CS: variants seen among roughly 807,000 people sequenced by gnomAD.
The protein encoded by CS is citrate synthase.
A neutral mutation model predicts 61.4 loss-of-function variants in CS; 13 were observed. The observed-to-expected ratio is 0.21, with a 90% CI of 0.14 to 0.34. The LOEUF (loss-of-function observed/expected upper bound fraction) is 0.34. Among genes scored for constraint, CS ranks in the 10% least tolerant of loss-of-function variants. The pLI, the probability that CS is intolerant of heterozygous loss-of-function variation, is 1.00. For synonymous variants in CS, 159 were observed against 215.2 expected (o/e 0.74, Z 2.29); for missense variants, 278 against 573.4 (o/e 0.48, Z 5.26).
At chr12:56,291,278 G>A in intron 1 of CS, 2 of 1,088,638 alleles carry the variant, frequency 1.8e-6, no homozygotes, top group Non-Finnish European at 2.3e-6. Flanking sequence ...TCAAGCCTGA[G>A]GCAGAGGTGA....
rs184924013 is a variant in CS, at chr12:56,281,981, C to T, written c.588+439G>A. On this transcript the variant is annotated intron_variant, in intron 6 of 10. Coordinates refer to ENST00000351328, the MANE Select transcript of CS (RefSeq NM_004077.3). The stretch of plus-strand genomic sequence containing the variant: ...TCAAGTGATTCTTCTGCCTCAGCCT[C>T]CTGAGTAGGTGGGATTACAGGCGCC... Among the ~76,000 whole-genome samples the T allele has an allele frequency of 2.6e-5, 4 of 152,304 alleles. No homozygotes were observed. In the East Asian group the frequency reaches 7.7e-4, roughly 29 times the overall value.
chr12:56,287,406 T>C (rs1872971352), intron 1 of CS, among the ~76,000 whole-genome samples: 1 of 135,934 alleles, frequency 7.4e-6, no homozygotes, highest in African/African-American at 2.8e-5. Flanking sequence ...GGCTTAAACC[T>C]TGGAGGCAGA....
At chr12:56,273,452 T>G in intron 10 of CS, 135 bp downstream of exon 10, 1 of 1,032,920 alleles carries the variant, frequency 9.7e-7, no homozygotes, top group Non-Finnish European at 1.4e-6. Flanking sequence ...CCCCCAACCC[T>G]CTCATAGTCA....
intron 6 of CS, among the ~76,000 whole-genome samples, chr12:56,276,962 G>A (rs1872636993): frequency 6.6e-6 from 1 of 152,266 alleles, no homozygotes; most frequent in African/African-American, 2.4e-5. Flanking sequence ...CACTTTGGGA[G>A]GCTGAGGCTG....
chr12:56,283,911 G>T, intron 3 of CS, 54 bp from the exon 4 acceptor site: 1 of 1,328,804 alleles, frequency 7.5e-7, no homozygotes, highest in Non-Finnish European at 1.1e-6. Context: ...CCAGTAATCA[G>T]AATGATTCAG....
chr12:56,274,551 A>G (rs1872585105), intron 9 of CS: 1 of 451,860 alleles, frequency 2.2e-6, no homozygotes, highest in East Asian at 4.0e-5. Flanking sequence ...GCAGCCTTAA[A>G]CTCCTGGCCT....
chr12:56,291,677 C>G (rs1364357410), intron 1 of CS: 1 of 152,240 alleles, frequency 6.6e-6, no homozygotes, highest in Non-Finnish European at 1.5e-5. Flanking sequence ...TCCCCTAATC[C>G]TGGAGGTGTG....
At chr12:56,287,060 C>T (rs1872960468) in intron 1 of CS, among the ~76,000 whole-genome samples, 1 of 152,182 alleles carries the variant, frequency 6.6e-6, no homozygotes, top group African/African-American at 2.4e-5. Flanking sequence ...AGGCAGAGGG[C>T]AGCCTTTCAT....
At chr12:56,283,947 G>A (rs1872852366) in intron 3 of CS, 90 bp from the exon 4 acceptor site, 6 of 900,440 alleles carry the variant, frequency 6.7e-6, no homozygotes, top group Admixed American at 4.6e-5. Flanking sequence ...AGCTTCATGG[G>A]ATCTGGGAGA....
intron 6 of CS, among the ~76,000 whole-genome samples, chr12:56,279,535 G>A (rs1872712722): frequency 6.6e-6 from 1 of 151,920 alleles, no homozygotes; most frequent in African/African-American, 2.4e-5. Context: ...TGGAGGCTGA[G>A]GCGGGTGGAT....
At chr12:56,292,132 T>G (rs967077512) in intron 1 of CS, among the ~76,000 whole-genome samples, 2 of 152,222 alleles carry the variant, frequency 1.3e-5, no homozygotes, top group African/African-American at 4.8e-5. Flanking sequence ...GCACTGTGGC[T>G]CAAGCCTGTA....
intron 1 of CS, among the ~76,000 whole-genome samples, chr12:56,292,984 A>T (rs1160825914): frequency 6.6e-6 from 1 of 151,920 alleles, no homozygotes; most frequent in East Asian, 1.9e-4. Flanking sequence ...AGCACCAGGG[A>T]ACAAGCATTT....
intron 1 of CS, among the ~76,000 whole-genome samples, chr12:56,290,842 T>C (rs2135923056): frequency 6.6e-6 from 1 of 152,308 alleles, no homozygotes; most frequent in South Asian, 2.1e-4. Flanking sequence ...ACTCAGAGTC[T>C]GATTCTCAGG....
At chr12:56,273,408 A>C in intron 10 of CS, 154 bp from the exon 11 acceptor site, 3 of 967,980 alleles carry the variant, frequency 3.1e-6, no homozygotes, top group Non-Finnish European at 4.6e-6. Flanking sequence ...AGAAAAGTAT[A>C]GCAATTGGGA....
intron 6 of CS, among the ~76,000 whole-genome samples, chr12:56,278,866 T>G (rs780257376): frequency 1.3e-5 from 2 of 152,056 alleles, no homozygotes; most frequent in Non-Finnish European, 2.9e-5. Context: ...CTCTGCCTCC[T>G]AGGTTCAAGC....
chr12:56,279,238 A>G (rs1415942619), intron 6 of CS, among the ~76,000 whole-genome samples: 1 of 152,136 alleles, frequency 6.6e-6, no homozygotes, highest in Non-Finnish European at 1.5e-5. Context: ...AACTCTTTCA[A>G]CTCAAGAGAT....
chr12:56,295,082 T>C (rs2135926221), intron 1 of CS, among the ~76,000 whole-genome samples: 1 of 151,984 alleles, frequency 6.6e-6, no homozygotes, highest in East Asian at 1.9e-4. Context: ...TATTGTACTT[T>C]AATTTAATGA....
intron 1 of CS, among the ~76,000 whole-genome samples, chr12:56,294,021 C>T (rs17118461): frequency 0.15 from 22,861 of 152,210 alleles, 5,683 homozygotes; most frequent in African/African-American, 0.52. Flanking sequence ...GTGTGTTTCA[C>T]AACGGTGATA....
At position 56,277,480 on chromosome 12, in the gene CS, C is replaced by CA. The variant is rs1412327084; in HGVS notation, c.589-1286dup. 4.0e-5 allele frequency among the ~76,000 whole-genome samples: 6 copies of CA among 150,496 alleles called. No homozygotes were observed. The Admixed American group carries it at 4.0e-4, about 10-fold the overall frequency. ...TGCCACTGTACTCCAGCCTGGGCGA[C>CA]AGAGTGAGACTCCGTCTCAAAAAAT... On this transcript the variant is annotated intron_variant, in intron 6 of 10. Coordinates refer to ENST00000351328, the MANE Select transcript of CS (RefSeq NM_004077.3).
Sources: allele counts gnomAD v4.1 joint callset (sites outside exome capture counted in the v4.1 genomes callset), GRCh38; gene constraint gnomAD v4.1.1; transcripts MANE v1.5; gene names NCBI Gene and HGNC (gene_info 2026-07-23, HGNC 2026-07-21).